Variants in OTOGL observed in about 807,000 individuals in gnomAD.
The protein encoded by OTOGL is otogelin like, also known as otogelin-like protein.
In OTOGL, 285 loss-of-function variants were observed where a neutral mutation model predicts 318.5. That is an observed-to-expected ratio of 0.89 (90% CI 0.81 to 0.99). The LOEUF (loss-of-function observed/expected upper bound fraction) is 0.99, where lower values mean the gene tolerates loss of function less well. Among genes scored for constraint, OTOGL ranks in the 50% least tolerant of loss-of-function variants. The pLI is 0.00. For missense variants in OTOGL, 2,899 were observed against 2,845.6 expected (o/e 1.02, Z -0.43); for synonymous variants, 987 against 936.5 (o/e 1.05, Z -0.99).
intron 1 of OTOGL, among the ~76,000 whole-genome samples, chr12:80,124,886 T>C (rs1276677601): frequency 6.6e-6 from 1 of 152,242 alleles, no homozygotes; most frequent in Admixed American, 6.5e-5. Context: ...GTACATTGAT[T>C]TTGTATCCTG....
chr12:80,159,232 G>C (rs1271138958), intron 1 of OTOGL, among the ~76,000 whole-genome samples: 1 of 152,088 alleles, frequency 6.6e-6, no homozygotes, highest in East Asian at 1.9e-4. Flanking sequence ...GATTCAGTTA[G>C]CCTAGTATTT....
intron 35 of OTOGL, among the ~76,000 whole-genome samples, chr12:80,325,775 T>A (rs1226984696): frequency 6.6e-6 from 1 of 151,986 alleles, no homozygotes; most frequent in Non-Finnish European, 1.5e-5. Flanking sequence ...GAAGGGCATG[T>A]GGGGAAGGAA....
In OTOGL at chr12:80,159,380, A is replaced by G. The variant is rs534633592; in HGVS notation, c.-19-50033A>G. ...TTTAGGGAGGATTCCCTCTTTCTCT[A>G]TCTTGCAGAATAGTGTCAATAGGAC... On this transcript the variant is annotated intron_variant, in intron 1 of 58. Transcript: ENST00000547103. Among the ~76,000 whole-genome samples, 14 of 152,186 alleles carry G rather than the reference A, an allele frequency of 9.2e-5. No individual in the cohort carries two copies. In the East Asian group the frequency reaches 1.2e-3, roughly 13 times the overall value.
At chr12:80,371,366 C>T (rs1331473593) in intron 56 of OTOGL, among the ~76,000 whole-genome samples, 1 of 151,780 alleles carries the variant, frequency 6.6e-6, no homozygotes, top group Non-Finnish European at 1.5e-5. Context: ...TGTACCTTTT[C>T]AATGATGACG....
intron 1 of OTOGL, among the ~76,000 whole-genome samples, chr12:80,158,377 G>A (rs1468714299): frequency 6.6e-6 from 1 of 151,994 alleles, no homozygotes; most frequent in African/African-American, 2.4e-5. Flanking sequence ...AATTCCAAAA[G>A]ATTCTGAATT....
intron 1 of OTOGL, among the ~76,000 whole-genome samples, chr12:80,124,062 T>G (rs1333686325): frequency 6.6e-6 from 1 of 152,234 alleles, no homozygotes; most frequent in Non-Finnish European, 1.5e-5. Flanking sequence ...ATTTGTCAAT[T>G]TGGCTTTTAT....
At chr12:80,351,903 C>T (rs10161042) in intron 44 of OTOGL, among the ~76,000 whole-genome samples, 143,420 of 152,284 alleles carry the variant, frequency 0.94, 67,608 homozygotes, top group East Asian at 1. Context: ...TGTAACTTTA[C>T]TTAATAAGCA....
In OTOGL at chr12:80,190,614, C is replaced by T. The variant is rs1413259123; in HGVS notation, c.-19-18799C>T. 2.6e-5 allele frequency among the ~76,000 whole-genome samples: 4 copies of T among 151,636 alleles called. 1 individual carries two copies. The highest frequency in any genetic ancestry group is 4.2e-4 in the South Asian group (2 of 4,796). On this transcript the variant is annotated intron_variant, in intron 1 of 58. Transcript: ENST00000547103. ...CATCCTGGCTAACACGGTGAAACCC[C>T]GTCTCTACTAAAAATACAAAAAATT...
intron 24 of OTOGL, among the ~76,000 whole-genome samples, chr12:80,273,402 G>A (rs1883559153): frequency 6.6e-6 from 1 of 151,982 alleles, no homozygotes; most frequent in Non-Finnish European, 1.5e-5. Flanking sequence ...AACCCTAATT[G>A]AGAAATCACT....
chr12:80,316,677 C>T (rs149506268), intron 32 of OTOGL, among the ~76,000 whole-genome samples: 1 of 152,222 alleles, frequency 6.6e-6, no homozygotes, highest in African/African-American at 2.4e-5. Flanking sequence ...TGGAGAAACG[C>T]ATCAATGTGC....
At chr12:80,150,225 T>A (rs943371573) in intron 1 of OTOGL, among the ~76,000 whole-genome samples, 1 of 152,216 alleles carries the variant, frequency 6.6e-6, no homozygotes, top group Non-Finnish European at 1.5e-5. Context: ...TCTCTTTACC[T>A]CATTGAGCCA....
chr12:80,181,172 A>G (rs747561186), intron 1 of OTOGL, among the ~76,000 whole-genome samples: 1 of 152,160 alleles, frequency 6.6e-6, no homozygotes, highest in Non-Finnish European at 1.5e-5. Context: ...CCTTTGTTGT[A>G]GAAGCATAAA....
Position 80,233,228 on chromosome 12 carries a change from T to C in OTOGL, c.817+131T>C. The C allele has an allele frequency of 5.2e-6, 4 of 765,238 alleles. No homozygotes were observed. The South Asian group carries it at 7.9e-5, about 15-fold the overall frequency. 47.4% of individuals were successfully genotyped at this position (765,238 alleles called of 1,614,324 possible). On this transcript the variant is annotated intron_variant, in intron 9 of 58. Coordinates refer to ENST00000547103, the MANE Select transcript of OTOGL (RefSeq NM_001378609.3). The stretch of plus-strand genomic sequence containing the variant: ...GGCTGTCACTTGCCTGCTTTAGTGA[T>C]TTTAAGTAAAGGTTGAATAGGAAAA...
chr12:80,376,930 G>A (rs1891203849), intron 57 of OTOGL, among the ~76,000 whole-genome samples, 193 bp from the exon 58 acceptor site: 1 of 151,826 alleles, frequency 6.6e-6, no homozygotes, highest in East Asian at 1.9e-4. Flanking sequence ...GAAAATATAA[G>A]AAAATCTATT....
At chr12:80,287,845 T>C (rs553829443) in intron 26 of OTOGL, among the ~76,000 whole-genome samples, 1 of 152,332 alleles carries the variant, frequency 6.6e-6, no homozygotes, top group South Asian at 2.1e-4. Flanking sequence ...TCTTGACTCC[T>C]TGTCCAATTT....
intron 26 of OTOGL, among the ~76,000 whole-genome samples, chr12:80,293,502 A>G (rs369255752): frequency 9.2e-5 from 14 of 152,196 alleles, no homozygotes; most frequent in African/African-American, 3.1e-4. Flanking sequence ...CAGCAGAGTC[A>G]TGGATGACCT....
chr12:80,189,746 G>A (rs1177539419), intron 1 of OTOGL, among the ~76,000 whole-genome samples: 1 of 152,154 alleles, frequency 6.6e-6, no homozygotes, highest in Admixed American at 6.5e-5. Flanking sequence ...TGATGCACCT[G>A]GAGCATATCA....
chr12:80,221,503 A>G (rs542066150), intron 6 of OTOGL, among the ~76,000 whole-genome samples: 18 of 152,224 alleles, frequency 1.2e-4, no homozygotes, highest in African/African-American at 4.3e-4. Context: ...TCTTGAGCTC[A>G]GGTAACCTGC....
At chr12:80,374,552 C>A (rs1891075571) in intron 57 of OTOGL, among the ~76,000 whole-genome samples, 1 of 152,042 alleles carries the variant, frequency 6.6e-6, no homozygotes, top group African/African-American at 2.4e-5. Context: ...TTCTCTAAAT[C>A]AAATATAAAC....
Sources: allele counts gnomAD v4.1 joint callset (sites outside exome capture counted in the v4.1 genomes callset), GRCh38; gene constraint gnomAD v4.1.1; transcripts MANE v1.5; gene names NCBI Gene and HGNC (gene_info 2026-07-23, HGNC 2026-07-21).